C3: variants seen among roughly 807,000 people sequenced by gnomAD.
C3 encodes C3 and PZP-like alpha-2-macroglobulin domain-containing protein 1.
In C3, 97 loss-of-function variants were observed where a neutral mutation model predicts 207.9. That is an observed-to-expected ratio of 0.47 (90% CI 0.40 to 0.55). The LOEUF (loss-of-function observed/expected upper bound fraction) is 0.55. Ranked by LOEUF, C3 falls within the 20% of genes least tolerant of loss-of-function variation. The probability of loss-of-function intolerance (pLI) is 0.00; values close to 1 mark genes in which losing one functional copy is unlikely to be tolerated. For synonymous variants in C3, 848 were observed against 857.6 expected (o/e 0.99, Z 0.20); for missense variants, 1,684 against 2,171.7 (o/e 0.78, Z 4.46).
At chr19:6,709,611 T>TCTC in intron 14 of C3, 73 bp downstream of exon 14, 5 of 1,109,434 alleles carry the variant, frequency 4.5e-6, no homozygotes, top group South Asian at 1.2e-5. Flanking sequence ...CCCTCTCCAG[T>TCTC]CCCACCCACC....
chr19:6,697,989 T>TTTATTTTTA (rs1967575228), intron 19 of C3, among the ~76,000 whole-genome samples, 195 bp from the exon 20 acceptor site: 1 of 61,216 alleles, frequency 1.6e-5, no homozygotes, highest in Non-Finnish European at 3.2e-5. Flanking sequence ...GTTACCATTA[T>TTTATTTTTA]TTATTATTAT....
chr19:6,678,287 C>G lies in C3; in HGVS notation c.4715G>C (p.Gly1572Ala). ...CTGTCCAACCTGCACCTCATCCGAG[C>G]CTGGAGTGGAGGGGAGAGGGAAGAA... is the stretch of plus-strand genomic sequence containing the variant. Reference protein sequence around the residue: ...IMAIEQTIKSGSDEVQVGQQR... With the variant: ...IMAIEQTIKSASDEVQVGQQR... Residue 1572 changes from glycine to alanine, a missense_variant and splice_region_variant, in exon 40 of 41, where the codon GGC becomes GCC. Transcript: ENST00000245907. 6.2e-7 allele frequency: 1 copy of G among 1,614,014 alleles called. No individual in the cohort carries two copies. Among genetic ancestry groups the G allele is most frequent in the Non-Finnish European group, 8.5e-7 (1 of 1,180,024 alleles).
intron 9 of C3, 150 bp downstream of exon 9, chr19:6,713,039 C>T: frequency 1.1e-6 from 1 of 929,000 alleles, no homozygotes; most frequent in Admixed American, 1.9e-5. Flanking sequence ...ACTCGGCCTC[C>T]CCTCTCAGAC....
At chr19:6,679,878 C>A (rs1384744598) in intron 36 of C3, among the ~76,000 whole-genome samples, 1 of 152,086 alleles carries the variant, frequency 6.6e-6, no homozygotes, top group Non-Finnish European at 1.5e-5. Context: ...TCCCTAGAAC[C>A]AACTCATAGA....
intron 13 of C3, among the ~76,000 whole-genome samples, chr19:6,710,377 AAG>A (rs141381095): frequency 2.3e-5 from 3 of 130,464 alleles, no homozygotes; most frequent in East Asian, 2.5e-4. Context: ...GATGGAGAGA[AAG>A]AGAGATCGAG....
chr19:6,688,600 AC>A (rs1918073829), intron 27 of C3, among the ~76,000 whole-genome samples: 2 of 151,566 alleles, frequency 1.3e-5, no homozygotes, highest in Admixed American at 1.3e-4. Flanking sequence ...GCTCACTGCA[AC>A]CTCCACCTCC....
In C3 at chr19:6,696,579, T is replaced by C; in HGVS notation, c.2863+14A>G. On this transcript the variant is annotated intron_variant, in intron 22 of 40. Coordinates refer to ENST00000245907, the MANE Select transcript of C3 (RefSeq NM_000064.4). ...CTGCCAGCCCCTCAGCCCCTCCCCC[T>C]GCAGCCGACTCACCACGGCCCAGGC... is the stretch of plus-strand genomic sequence containing the variant. The C allele has an allele frequency of 6.2e-7, 1 of 1,613,174 alleles. No individual in the cohort carries two copies. The highest frequency in any genetic ancestry group is 8.5e-7 in the Non-Finnish European group (1 of 1,179,282).
intron 32 of C3, 35 bp from the exon 33 acceptor site, chr19:6,684,474 T>C: frequency 6.3e-7 from 1 of 1,595,222 alleles, no homozygotes; most frequent in Non-Finnish European, 8.6e-7. Flanking sequence ...TGGGAGAGGG[T>C]ATACCTGTGT....
At chr19:6,691,181 G>T (rs970752593) in intron 26 of C3, among the ~76,000 whole-genome samples, 1 of 151,538 alleles carries the variant, frequency 6.6e-6, no homozygotes, top group African/African-American at 2.4e-5. Context: ...AGCCTCCGAA[G>T]TAGCTGGGAT....
Position 6,693,459 on chromosome 19 carries a change from T to A in C3, c.3183A>T (p.Gln1061His), listed in dbSNP as rs373054812. The A allele has an allele frequency of 3.0e-5, 49 of 1,612,528 alleles. No homozygotes were observed. The highest frequency in any genetic ancestry group is 4.1e-5 in the Non-Finnish European group (48 of 1,179,640). ...KGYTQQLAFR[Q>H]PSSAFAAFVK... Reference sequence around the variant, plus strand: ...CGAAGGCCGCAAAGGCAGAGCTGGGTTGTCTGAAGGCCAGCTGCTGGGTGT... The same window carrying A: ...CGAAGGCCGCAAAGGCAGAGCTGGGATGTCTGAAGGCCAGCTGCTGGGTGT... The change falls in exon 25 of 41, where the codon CAA (glutamine) becomes CAT (histidine). Residue 1061 changes from glutamine (Q) to histidine (H), a missense_variant. Physicochemically the swap from Gln to His is conservative, Grantham distance 24. Coordinates refer to ENST00000245907, the MANE Select transcript of C3 (RefSeq NM_000064.4).
chr19:6,697,049 T>TA (rs202245108), intron 21 of C3, among the ~76,000 whole-genome samples: 16 of 91,548 alleles, frequency 1.7e-4, no homozygotes, highest in South Asian at 8.0e-4. Flanking sequence ...CTCAAAAAAA[T>TA]AAACAAACAA....
intron 11 of C3, 143 bp downstream of exon 11, chr19:6,712,114 G>A (rs927531201): frequency 4.8e-6 from 5 of 1,042,526 alleles, no homozygotes; most frequent in African/African-American, 4.7e-5. Flanking sequence ...CTATGCAAAT[G>A]GCAGGACCCC....
Position 6,690,665 on chromosome 19 carries a change from C to T in C3, c.3453G>A (p.Leu1151=), listed in dbSNP as rs775331708. The part of the protein sequence containing the change: ...MALTAFVLIS[L]QEAKDICEEQ... ...CCTCGCAAATATCTTTAGCCTCCTGCAGCGAGATGAGAACAAAGGCCGTGA... is the reference window on the plus strand; with the variant it reads ...CCTCGCAAATATCTTTAGCCTCCTGTAGCGAGATGAGAACAAAGGCCGTGA... Residue 1151 remains leucine (L), a synonymous_variant, in exon 27 of 41, where the codon CTG becomes CTA. Transcript: ENST00000245907. 3.1e-6 allele frequency: 5 copies of T among 1,614,126 alleles called. No individual in the cohort carries two copies. The African/African-American group carries it at 6.7e-5, about 22-fold the overall frequency.
chr19:6,709,644 C>T lies in C3; in HGVS notation c.1845+40G>A, dbSNP rs567705062. ...ACCTCCCCCAGCCCCAGCTCCGTGC[C>T]TCCGCCTCTTCTCAGCAGCCTTGGG... On this transcript the variant is annotated intron_variant, in intron 14 of 40. Transcript: ENST00000245907. 5 of 1,592,654 alleles carry T rather than the reference C, an allele frequency of 3.1e-6. No homozygotes were observed. The African/African-American group carries it at 5.4e-5, about 17-fold the overall frequency.
chr19:6,715,986 G>A (rs1217975125), intron 4 of C3, among the ~76,000 whole-genome samples: 2 of 152,096 alleles, frequency 1.3e-5, no homozygotes, highest in East Asian at 1.9e-4. Flanking sequence ...GTGTACTCTG[G>A]TTAGCAGGAG....
intron 33 of C3, among the ~76,000 whole-genome samples, chr19:6,683,536 C>T (rs1917920586): frequency 2.7e-5 from 4 of 146,388 alleles, no homozygotes; most frequent in South Asian, 2.1e-4. Flanking sequence ...CTGCAAGCTC[C>T]GCCTCCTGGG....
At chr19:6,682,350 G>T in intron 33 of C3, 121 bp from the exon 34 acceptor site, 1 of 751,714 alleles carries the variant, frequency 1.3e-6, no homozygotes, top group South Asian at 1.4e-5. Flanking sequence ...GCAGCACAGA[G>T]GGGCGTTACA....
At chr19:6,695,705 C>G (rs1432233786) in intron 23 of C3, among the ~76,000 whole-genome samples, 1 of 151,936 alleles carries the variant, frequency 6.6e-6, no homozygotes, top group Non-Finnish European at 1.5e-5. Context: ...GTCTCAAACT[C>G]CTACCTCAGG....
intron 33 of C3, 85 bp downstream of exon 33, chr19:6,684,303 C>G: frequency 9.6e-7 from 1 of 1,039,618 alleles, no homozygotes; most frequent in East Asian, 2.4e-5. Flanking sequence ...TTGGAAAGTA[C>G]TGAATATCAT....
Sources: allele counts gnomAD v4.1 joint callset (sites outside exome capture counted in the v4.1 genomes callset), GRCh38; gene constraint gnomAD v4.1.1; transcripts MANE v1.5; gene names NCBI Gene and HGNC (gene_info 2026-07-23, HGNC 2026-07-21).